The following SLC67A2 variants were observed in gnomAD, a reference collection of about 807,000 sequenced individuals.
The protein encoded by SLC67A2 is solute carrier family 67 member 2, also known as solute carrier family 67 member A2.
the SLC67A2 span, among the ~76,000 whole-genome samples, chr2:102,719,675 G>A: frequency 1.3e-5 from 2 of 152,076 alleles, no homozygotes; most frequent in Admixed American, 1.3e-4. Context: ...CACAGAAAAG[G>A]CCTCTGAAAA....
the SLC67A2 span, chr2:102,726,698 G>A: frequency 1.7e-6 from 2 of 1,201,604 alleles, no homozygotes; most frequent in Non-Finnish European, 2.3e-6. Context: ...AGACTTGCCA[G>A]GCACGGCTCC....
At chr2:102,723,259 C>A in the SLC67A2 span, among the ~76,000 whole-genome samples, 1 of 152,320 alleles carries the variant, frequency 6.6e-6, no homozygotes, top group Non-Finnish European at 1.5e-5. Context: ...CGCATGAGGT[C>A]AGGAGTTCGA....
the SLC67A2 span, chr2:102,717,652 AAC>A: frequency 6.6e-6 from 1 of 152,348 alleles, no homozygotes; most frequent in Non-Finnish European, 1.5e-5. Flanking sequence ...GGAAAGGTGT[AAC>A]ACACTGTGAT....
the SLC67A2 span, chr2:102,732,228 T>G: frequency 9.3e-7 from 1 of 1,075,494 alleles, no homozygotes; most frequent in East Asian, 2.4e-5. Flanking sequence ...TACCTTTGGA[T>G]AATATTTGGA....
chr2:102,726,374 C>T, the SLC67A2 span, among the ~76,000 whole-genome samples: 15 of 152,246 alleles, frequency 9.9e-5, 1 homozygote, highest in African/African-American at 3.4e-4. Context: ...AGTCCCAATA[C>T]AGTAGTGTGA....
At chr2:102,732,492 A>T in the SLC67A2 span, 5 of 1,133,464 alleles carry the variant, frequency 4.4e-6, no homozygotes, top group East Asian at 1.3e-4. Context: ...TTTAAAAAAT[A>T]AAACCAATAT....
chr2:102,719,032 C>A, the SLC67A2 span: 1 of 1,614,250 alleles, frequency 6.2e-7, no homozygotes, highest in Admixed American at 1.7e-5. Flanking sequence ...GCAAGGCCAA[C>A]ACTACTTCGA....
chr2:102,731,518 T>C, the SLC67A2 span, among the ~76,000 whole-genome samples: 1 of 152,256 alleles, frequency 6.6e-6, no homozygotes, highest in Non-Finnish European at 1.5e-5. Flanking sequence ...ATTTATTTTA[T>C]AAAGAATTTA....
the SLC67A2 span, among the ~76,000 whole-genome samples, chr2:102,721,840 G>T: frequency 1.3e-5 from 2 of 152,114 alleles, no homozygotes; most frequent in Non-Finnish European, 2.9e-5. Context: ...GAGGATCTGG[G>T]ACTACAGGTA....
the SLC67A2 span, among the ~76,000 whole-genome samples, chr2:102,730,341 T>C: frequency 1.3e-5 from 2 of 152,282 alleles, no homozygotes; most frequent in African/African-American, 4.8e-5. Context: ...CCAGCCACCA[T>C]GCCTGGCCAC....
At chr2:102,734,303 G>T in the SLC67A2 span, among the ~76,000 whole-genome samples, 3 of 152,108 alleles carry the variant, frequency 2.0e-5, no homozygotes, top group Non-Finnish European at 4.4e-5. Context: ...ATCTCACCAA[G>T]TATCTGGAGG....
chr2:102,719,430 G>A, the SLC67A2 span, among the ~76,000 whole-genome samples: 3 of 152,210 alleles, frequency 2.0e-5, no homozygotes, highest in South Asian at 6.2e-4. Context: ...AGAACACCAC[G>A]ATACCTACAA....
At chr2:102,716,934 T>C in the SLC67A2 span, 4 of 152,216 alleles carry the variant, frequency 2.6e-5, no homozygotes, top group Non-Finnish European at 5.9e-5. Context: ...CCCTCGGTGC[T>C]GTATATGAAA....
the SLC67A2 span, chr2:102,736,763 G>C: frequency 6.2e-7 from 1 of 1,613,760 alleles, no homozygotes; most frequent in Non-Finnish European, 8.5e-7. Context: ...CGGTCTCCGA[G>C]ACCAGCCTCG....
At chr2:102,731,337 G>A in the SLC67A2 span, among the ~76,000 whole-genome samples, 4 of 152,048 alleles carry the variant, frequency 2.6e-5, no homozygotes, top group Non-Finnish European at 5.9e-5. Flanking sequence ...GTGACGTTAT[G>A]GACGCTGTAT....
the SLC67A2 span, chr2:102,724,016 T>A: frequency 3.1e-6 from 3 of 966,252 alleles, no homozygotes; most frequent in Non-Finnish European, 1.6e-6. Flanking sequence ...GATCTCTGGT[T>A]TCTTTGGAAG....
the SLC67A2 span, chr2:102,732,365 A>G: frequency 1.2e-6 from 2 of 1,613,858 alleles, no homozygotes; most frequent in Admixed American, 1.7e-5. Context: ...GGGACTTGAC[A>G]TGAAGGCTCA....
chr2:102,727,341 T>A, the SLC67A2 span, among the ~76,000 whole-genome samples: 49 of 152,254 alleles, frequency 3.2e-4, no homozygotes, highest in East Asian at 5.0e-3. Context: ...TTTAAAAAAT[T>A]TAGAAAATAC....
At chr2:102,719,247 C>A in the SLC67A2 span, 1 of 1,577,592 alleles carries the variant, frequency 6.3e-7, no homozygotes, top group South Asian at 1.2e-5. Flanking sequence ...CATCTGAATG[C>A]ACTGAATCCA....
Sources: gnomAD v4.1 joint callset for allele counts (sites outside exome capture counted in the v4.1 genomes callset) on GRCh38, gnomAD v4.1.1 for gene constraint, MANE v1.5 for transcripts, NCBI Gene and HGNC (gene_info 2026-07-23, HGNC 2026-07-21) for gene names.